Variants in KDM2A observed in about 807,000 individuals in gnomAD.
The protein encoded by KDM2A is lysine-specific demethylase 2A.
Under a neutral mutation model 137.3 loss-of-function variants are expected in KDM2A, and 3 were observed. The observed-to-expected ratio is 0.02, with a 90% CI of 0.01 to 0.06. KDM2A has a LOEUF of 0.06. Ranked by LOEUF, KDM2A falls within the 10% of genes least tolerant of loss-of-function variation. KDM2A has a pLI of 1.00. For synonymous variants in KDM2A, 512 were observed against 541.5 expected (o/e 0.95, Z 0.76); for missense variants, 738 against 1,510.6 (o/e 0.49, Z 8.48).
At chr11:67,146,477 A>G (rs1036679237) in intron 2 of KDM2A, among the ~76,000 whole-genome samples, 3 of 152,052 alleles carry the variant, frequency 2.0e-5, no homozygotes, top group Non-Finnish European at 4.4e-5. Flanking sequence ...ATAATTTTCT[A>G]TCTACTGTGA....
intron 5 of KDM2A, among the ~76,000 whole-genome samples, chr11:67,183,016 G>T (rs1260094763): frequency 2.0e-5 from 3 of 152,144 alleles, no homozygotes; most frequent in Admixed American, 2.0e-4. Flanking sequence ...GTCCTTGTTA[G>T]ACTACCGACT....
Position 67,149,362 on chromosome 11 carries a change from A to C in KDM2A, c.42+28004A>C, listed in dbSNP as rs1251523584. 2.0e-5 allele frequency among the ~76,000 whole-genome samples: 3 copies of C among 152,122 alleles called. No individual in the cohort carries two copies. The East Asian group carries it at 5.8e-4, about 29-fold the overall frequency. On this transcript the variant is annotated intron_variant, in intron 2 of 20. Coordinates refer to ENST00000529006, the MANE Select transcript of KDM2A (RefSeq NM_012308.3). ...GGATTTAATGGGATAATGAATGTAG[A>C]CTGCTGTGCCAACAGTGAGCTTTCA... is the stretch of plus-strand genomic sequence containing the variant.
intron 2 of KDM2A, among the ~76,000 whole-genome samples, chr11:67,134,024 G>C (rs762643944): frequency 6.6e-5 from 10 of 152,216 alleles, no homozygotes; most frequent in Non-Finnish European, 1.2e-4. Context: ...AAACTGACCT[G>C]TCCTTGTTGA....
At chr11:67,159,922 T>G (rs1445210432) in intron 2 of KDM2A, among the ~76,000 whole-genome samples, 1 of 152,154 alleles carries the variant, frequency 6.6e-6, no homozygotes, top group Non-Finnish European at 1.5e-5. Flanking sequence ...ATGAAAAAAT[T>G]CGGGAGATGG....
At chr11:67,244,031 C>A (rs1457061846) in intron 13 of KDM2A, among the ~76,000 whole-genome samples, 1 of 152,148 alleles carries the variant, frequency 6.6e-6, no homozygotes. Flanking sequence ...CTGAAACTTG[C>A]AAAGCCATCA....
At chr11:67,178,265 G>A (rs535777397) in intron 2 of KDM2A, among the ~76,000 whole-genome samples, 1 of 152,094 alleles carries the variant, frequency 6.6e-6, no homozygotes, top group Non-Finnish European at 1.5e-5. Context: ...AATCAGCTGG[G>A]TGTGGTGGTG....
At chr11:67,142,916 T>C (rs942763364) in intron 2 of KDM2A, among the ~76,000 whole-genome samples, 14 of 151,836 alleles carry the variant, frequency 9.2e-5, no homozygotes, top group African/African-American at 3.4e-4. Flanking sequence ...AACTTGGAAA[T>C]CTTCTTTTAT....
intron 2 of KDM2A, among the ~76,000 whole-genome samples, chr11:67,143,874 C>T (rs1263290400): frequency 2.0e-5 from 3 of 151,990 alleles, no homozygotes; most frequent in Admixed American, 2.0e-4. Context: ...TCAAGTGATC[C>T]GCCTGCGTCG....
At chr11:67,214,580 C>G (rs1195692162) in intron 6 of KDM2A, among the ~76,000 whole-genome samples, 1 of 152,170 alleles carries the variant, frequency 6.6e-6, no homozygotes. Flanking sequence ...CTCAGGTGAT[C>G]CGCCTGCCTT....
intron 5 of KDM2A, among the ~76,000 whole-genome samples, chr11:67,182,738 G>A (rs564337985): frequency 2.4e-4 from 36 of 152,214 alleles, no homozygotes; most frequent in Non-Finnish European, 4.6e-4. Flanking sequence ...TCACCATGTT[G>A]GCTAGGCTGG....
chr11:67,245,084 C>A lies in KDM2A; in HGVS notation c.1564-105C>A. ...GAAACAAGCAGTGGGCAGATCTGGCCATAGTGGGCCAAGCCCCAGGCTAGG... is the reference window on the plus strand; with the variant it reads ...GAAACAAGCAGTGGGCAGATCTGGCAATAGTGGGCCAAGCCCCAGGCTAGG... On this transcript the variant is annotated intron_variant, in intron 13 of 20. Coordinates refer to ENST00000529006, the MANE Select transcript of KDM2A (RefSeq NM_012308.3). This position sits in a 1 kb window ranked among gnomAD's most constrained non-coding sequence, Gnocchi z 4.1. 7.8e-7 allele frequency: 1 copy of A among 1,280,628 alleles called. No homozygotes were observed. Among genetic ancestry groups the A allele is most frequent in the Non-Finnish European group, 1.1e-6 (1 of 918,194 alleles). 79.3% of individuals were successfully genotyped at this position (1,280,628 alleles called of 1,614,324 possible).
At chr11:67,248,546 G>A in intron 16 of KDM2A, 176 bp downstream of exon 16, 1 of 565,512 alleles carries the variant, frequency 1.8e-6, no homozygotes, top group Non-Finnish European at 3.1e-6. Flanking sequence ...CTTTGTTAGA[G>A]TTTGTAGCAT....
Position 67,255,450 on chromosome 11 carries a change from G to A in KDM2A, c.*395G>A, listed in dbSNP as rs1859570147. On this transcript the variant is annotated 3_prime_UTR_variant, in exon 21 of 21. Transcript: ENST00000529006. Reference sequence around the variant, plus strand: ...GTGCCTGGTTCTGAGCAAACTCCCAGGGAAGAAAACGGCCCTGTCTCCATG... The same window carrying A: ...GTGCCTGGTTCTGAGCAAACTCCCAAGGAAGAAAACGGCCCTGTCTCCATG... 2.2e-6 allele frequency: 1 copy of A among 462,040 alleles called. No individual in the cohort carries two copies. The highest frequency in any genetic ancestry group is 4.3e-6 in the Non-Finnish European group (1 of 230,674). The allele number at this position is 462,040 out of a possible 1,614,324, so 28.6% of individuals were successfully genotyped here.
chr11:67,238,455 C>T (rs2136437369), intron 12 of KDM2A, among the ~76,000 whole-genome samples: 1 of 152,256 alleles, frequency 6.6e-6, no homozygotes, highest in Middle Eastern at 3.4e-3. Flanking sequence ...TAAGGAAAGC[C>T]TTTCAAACAA....
intron 2 of KDM2A, among the ~76,000 whole-genome samples, chr11:67,122,533 G>A (rs1484491445): frequency 2.6e-5 from 4 of 151,986 alleles, no homozygotes; most frequent in African/African-American, 9.7e-5. Context: ...TTACCATGTT[G>A]GCCAGGATGA....
intron 2 of KDM2A, among the ~76,000 whole-genome samples, chr11:67,138,192 T>C (rs1856011649): frequency 6.6e-6 from 1 of 152,164 alleles, no homozygotes; most frequent in South Asian, 2.1e-4. Flanking sequence ...TGAGTCTCTT[T>C]TTACCTAGTA....
chr11:67,248,253 T>C, intron 15 of KDM2A, 28 bp from the exon 16 acceptor site: 1 of 1,515,574 alleles, frequency 6.6e-7, no homozygotes, highest in Non-Finnish European at 9.1e-7. Context: ...AGAGACAGGC[T>C]TTTAAAAACA....
chr11:67,198,863 C>G (rs1328318487), intron 5 of KDM2A, among the ~76,000 whole-genome samples: 1 of 152,036 alleles, frequency 6.6e-6, no homozygotes, highest in Non-Finnish European at 1.5e-5. Flanking sequence ...ACTGCAACCT[C>G]CACCTCCTGG....
At chr11:67,158,565 T>G (rs1302910089) in intron 2 of KDM2A, among the ~76,000 whole-genome samples, 1 of 152,232 alleles carries the variant, frequency 6.6e-6, no homozygotes, top group African/African-American at 2.4e-5. Context: ...CTTGCCAGCA[T>G]TTGGTGTTGT....
Sources: allele counts gnomAD v4.1 joint callset (sites outside exome capture counted in the v4.1 genomes callset), GRCh38; gene constraint gnomAD v4.1.1; non-coding constraint Gnocchi (gnomAD v3.1); transcripts MANE v1.5; gene names NCBI Gene and HGNC (gene_info 2026-07-23, HGNC 2026-07-21).